Variants in ANKFN1 observed in about 807,000 individuals in gnomAD.
ANKFN1 encodes ankyrin repeat and fibronectin type-III domain-containing protein 1.
A neutral mutation model predicts 108.7 loss-of-function variants in ANKFN1; 74 were observed. The observed-to-expected ratio is 0.68, with a 90% CI of 0.56 to 0.83. The LOEUF (loss-of-function observed/expected upper bound fraction) is 0.83. Ranked by LOEUF, ANKFN1 falls within the 40% of genes least tolerant of loss-of-function variation. The probability of loss-of-function intolerance (pLI) is 0.00; values close to 1 mark genes in which losing one functional copy is unlikely to be tolerated. For missense variants in ANKFN1, 1,505 were observed against 1,382.3 expected, an observed-to-expected ratio of 1.09 and a Z score of -1.41; for synonymous variants, 547 against 516.2, an observed-to-expected ratio of 1.06 and a Z score of -0.81.
At chr17:56,066,736 C>G (rs1905062812) in intron 4 of ANKFN1, among the ~76,000 whole-genome samples, 1 of 152,082 alleles carries the variant, frequency 6.6e-6, no homozygotes, top group Admixed American at 6.6e-5. Flanking sequence ...CAACTTCTTC[C>G]CCTCCCCATA....
At chr17:56,163,002 T>C (rs549855590) in intron 1 of ANKFN1, among the ~76,000 whole-genome samples, 2 of 147,626 alleles carry the variant, frequency 1.4e-5, no homozygotes, top group African/African-American at 5.0e-5. Flanking sequence ...GCCACTGCAC[T>C]CCAGCCTGGG....
At chr17:56,324,924 G>A (rs1252134184) in intron 3 of ANKFN1, among the ~76,000 whole-genome samples, 1 of 152,188 alleles carries the variant, frequency 6.6e-6, no homozygotes, top group Admixed American at 6.5e-5. Context: ...ACACCTGTTG[G>A]GGGTGAGCGA....
chr17:56,238,788 A>T (rs1351814465), intron 3 of ANKFN1, among the ~76,000 whole-genome samples: 3 of 152,170 alleles, frequency 2.0e-5, no homozygotes, highest in African/African-American at 4.8e-5. Context: ...ATTGTGTTTA[A>T]CGAATAGCTT....
At chr17:56,076,984 A>G (rs1428578721) in intron 4 of ANKFN1, among the ~76,000 whole-genome samples, 1 of 152,164 alleles carries the variant, frequency 6.6e-6, no homozygotes, top group African/African-American at 2.4e-5. Context: ...ATCTTTGCTA[A>G]GATTTTATAT....
Position 56,510,533 on chromosome 17 carries a change from A to C in ANKFN1, c.2705A>C (p.Asp902Ala). ...CSEVFLPTNS[D>A]YDSSDALSPR... ...GAAGTCTTCCTCCCCACCAACAGTG[A>C]CTACGACTCCAGCGATGCCCTGAGC... The change falls in exon 21 of 21, where the codon GAC (aspartate) becomes GCC (alanine). Residue 902 changes from aspartate (D) to alanine (A), a missense_variant. Transcript: ENST00000682825. The C allele has an allele frequency of 6.5e-7, 1 of 1,536,208 alleles. No individual in the cohort carries two copies. The highest frequency in any genetic ancestry group is 8.7e-7 in the Non-Finnish European group (1 of 1,146,920).
intron 1 of ANKFN1, among the ~76,000 whole-genome samples, chr17:56,160,538 A>G (rs1422498941): frequency 1.3e-5 from 2 of 152,296 alleles, no homozygotes; most frequent in Non-Finnish European, 2.9e-5. Flanking sequence ...GTAAAGGTTT[A>G]TTCATTTGCC....
chr17:56,375,951 A>T (rs185490513), intron 8 of ANKFN1, among the ~76,000 whole-genome samples: 229 of 152,366 alleles, frequency 1.5e-3, no homozygotes, highest in African/African-American at 4.9e-3. Flanking sequence ...AGACAGAATC[A>T]TCACATTATG....
chr17:56,385,165 A>G (rs1346988071), intron 8 of ANKFN1, among the ~76,000 whole-genome samples: 1 of 151,914 alleles, frequency 6.6e-6, no homozygotes, highest in Non-Finnish European at 1.5e-5. Context: ...AAATAATGCC[A>G]CATATCTACA....
At chr17:56,386,125 G>A (rs1367584062) in intron 8 of ANKFN1, among the ~76,000 whole-genome samples, 48 of 147,334 alleles carry the variant, frequency 3.3e-4, no homozygotes, top group East Asian at 1.0e-3. Context: ...TATACACCAT[G>A]GAATACTATG....
intron 10 of ANKFN1, among the ~76,000 whole-genome samples, chr17:56,444,356 T>C (rs928983177): frequency 3.3e-5 from 5 of 152,212 alleles, no homozygotes; most frequent in African/African-American, 1.2e-4. Flanking sequence ...TTCATAACTC[T>C]CCAAATTTAT....
At chr17:56,130,825 C>T (rs1037590480) in intron 4 of ANKFN1, among the ~76,000 whole-genome samples, 5 of 152,118 alleles carry the variant, frequency 3.3e-5, no homozygotes, top group Admixed American at 2.6e-4. Context: ...CACTGGCAAG[C>T]AGTTTTGCCT....
chr17:56,439,070 T>C (rs962226018), intron 8 of ANKFN1, among the ~76,000 whole-genome samples: 5 of 152,132 alleles, frequency 3.3e-5, no homozygotes, highest in Admixed American at 1.3e-4. Flanking sequence ...CTGTTGCTGA[T>C]GATCAAAGCA....
chr17:56,375,575 G>A (rs7208989), intron 8 of ANKFN1, among the ~76,000 whole-genome samples: 25,676 of 152,010 alleles, frequency 0.17, 4,664 homozygotes, highest in African/African-American at 0.46. Flanking sequence ...GTAGACTTTT[G>A]AAAGATTGGA....
chr17:56,133,416 C>T (rs1598122969), intron 4 of ANKFN1, among the ~76,000 whole-genome samples: 1 of 152,132 alleles, frequency 6.6e-6, no homozygotes, highest in Non-Finnish European at 1.5e-5. Flanking sequence ...AGTTTGCTTT[C>T]GTCTCCTACT....
At chr17:56,490,699 TC>T (rs1330051684) in intron 18 of ANKFN1, among the ~76,000 whole-genome samples, 1 of 152,000 alleles carries the variant, frequency 6.6e-6, no homozygotes, top group Non-Finnish European at 1.5e-5. Context: ...GTTCTCTGTG[TC>T]AGGCAAAAAA....
At chr17:56,201,688 G>A (rs1004859800) in intron 1 of ANKFN1, among the ~76,000 whole-genome samples, 3 of 151,512 alleles carry the variant, frequency 2.0e-5, no homozygotes, top group South Asian at 2.1e-4. Context: ...AAAAAAATTA[G>A]CTATTCAGTA....
chr17:56,139,887 T>C (rs1205908826), intron 4 of ANKFN1, among the ~76,000 whole-genome samples: 1 of 152,212 alleles, frequency 6.6e-6, no homozygotes, highest in Non-Finnish European at 1.5e-5. Flanking sequence ...TTTCTCTGTT[T>C]GATTATTAGT....
chr17:56,170,774 TTATA>T (rs60304505), intron 1 of ANKFN1, among the ~76,000 whole-genome samples: 177 of 68,080 alleles, frequency 2.6e-3, no homozygotes, highest in Middle Eastern at 9.6e-3. Flanking sequence ...AAAAAATTTT[TTATA>T]TATATATATA....
At chr17:56,261,971 G>A (rs570750330) in intron 3 of ANKFN1, among the ~76,000 whole-genome samples, 1 of 152,128 alleles carries the variant, frequency 6.6e-6, no homozygotes, top group Non-Finnish European at 1.5e-5. Context: ...GTCCCCAAGG[G>A]CCATGATTCT....
Sources: allele counts gnomAD v4.1 joint callset (sites outside exome capture counted in the v4.1 genomes callset), GRCh38; gene constraint gnomAD v4.1.1; transcripts MANE v1.5; gene names NCBI Gene and HGNC (gene_info 2026-07-23, HGNC 2026-07-21).